The following SYT1 variants were observed in gnomAD, a reference collection of about 807,000 sequenced individuals.
The protein encoded by SYT1 is synaptotagmin-1.
Under a neutral mutation model 44.8 loss-of-function variants are expected in SYT1, and 8 were observed. The ratio of observed to expected loss-of-function variants is 0.18; its 90% CI spans 0.10 to 0.32. The LOEUF is 0.32. Among genes scored for constraint, SYT1 ranks in the 10% least tolerant of loss-of-function variants. SYT1 has a pLI of 1.00. For missense variants in SYT1, 286 were observed against 509.3 expected (o/e 0.56, Z 4.22); for synonymous variants, 154 against 188.8 (o/e 0.82, Z 1.51).
intron 1 of SYT1, among the ~76,000 whole-genome samples, chr12:78,881,545 T>A (rs1039502659): frequency 1.3e-5 from 2 of 151,724 alleles, no homozygotes; most frequent in Non-Finnish European, 2.9e-5. Context: ...AATGAGTATA[T>A]TTAGCCTTGA....
intron 3 of SYT1, among the ~76,000 whole-genome samples, chr12:79,126,068 A>G (rs1868417890): frequency 6.6e-6 from 1 of 152,222 alleles, no homozygotes; most frequent in African/African-American, 2.4e-5. Context: ...AATTATTTCA[A>G]TGGTAATGCA....
At chr12:79,204,774 G>C (rs1353272961) in intron 3 of SYT1, among the ~76,000 whole-genome samples, 1 of 104,374 alleles carries the variant, frequency 9.6e-6, no homozygotes, top group Non-Finnish European at 1.9e-5. Context: ...TGCTCCTGTT[G>C]TAACTTTTTT....
chr12:79,412,153 C>T (rs1239409901), intron 9 of SYT1, among the ~76,000 whole-genome samples: 4 of 152,170 alleles, frequency 2.6e-5, no homozygotes, highest in Admixed American at 2.0e-4. Context: ...GGGTTTTATA[C>T]ACTGGCATGC....
chr12:79,010,364 C>T (rs951305755), intron 2 of SYT1, among the ~76,000 whole-genome samples: 3 of 152,100 alleles, frequency 2.0e-5, no homozygotes, highest in Non-Finnish European at 4.4e-5. Flanking sequence ...TGGTTGCCTA[C>T]TATGGAATCC....
chr12:78,933,603 C>G (rs77414363), intron 1 of SYT1, among the ~76,000 whole-genome samples: 7,813 of 151,948 alleles, frequency 0.051, 232 homozygotes, highest in Admixed American at 0.086. Context: ...TTTGCTAGTA[C>G]AGTTTATTAA....
Position 78,870,596 on chromosome 12 carries a change from TCTC to T in SYT1, c.-217+5490_-217+5492del, listed in dbSNP as rs528474708. ...AATTGCTTACATGAGAAGTATATAG[TCTC>T]CTGTCCTCTTCCATCATGCTCCCTG... On this transcript the variant is annotated intron_variant, in intron 1 of 10. Transcript: ENST00000261205. 6.6e-5 allele frequency among the ~76,000 whole-genome samples: 10 copies of T among 152,158 alleles called. No individual in the cohort carries two copies. The South Asian group carries it at 1.9e-3, about 28-fold the overall frequency.
At chr12:79,051,885 A>G (rs1260960704) in intron 3 of SYT1, among the ~76,000 whole-genome samples, 1 of 151,928 alleles carries the variant, frequency 6.6e-6, no homozygotes, top group East Asian at 1.9e-4. Context: ...CCATTGGTCT[A>G]TATCTTTGTT....
intron 4 of SYT1, among the ~76,000 whole-genome samples, chr12:79,241,420 G>A (rs142788567): frequency 3.3e-5 from 5 of 151,912 alleles, no homozygotes; most frequent in Non-Finnish European, 5.9e-5. Context: ...ACAGGTGGGC[G>A]CCACCATGCC....
chr12:79,145,764 TG>T (rs1565825911), intron 3 of SYT1, among the ~76,000 whole-genome samples: 76 of 149,168 alleles, frequency 5.1e-4, no homozygotes, highest in African/African-American at 1.9e-3. Flanking sequence ...TTTGTTTGTT[TG>T]TTTGTTTTTT....
chr12:79,160,903 C>T (rs1870908420), intron 3 of SYT1, among the ~76,000 whole-genome samples: 1 of 152,014 alleles, frequency 6.6e-6, no homozygotes, highest in Non-Finnish European at 1.5e-5. Context: ...ACCTTTTGAT[C>T]AATGACAGAC....
intron 8 of SYT1, among the ~76,000 whole-genome samples, chr12:79,327,150 C>G (rs911468926): frequency 4.0e-5 from 6 of 151,812 alleles, no homozygotes; most frequent in Non-Finnish European, 7.4e-5. Flanking sequence ...TAATGAGCCT[C>G]TACATTTCTT....
chr12:79,355,461 A>C (rs1394889365), intron 9 of SYT1, among the ~76,000 whole-genome samples: 3 of 152,208 alleles, frequency 2.0e-5, no homozygotes, highest in African/African-American at 7.2e-5. Context: ...CCTACATTTG[A>C]ATTACCTGGA....
chr12:79,352,523 C>A (rs1882952222), intron 8 of SYT1, among the ~76,000 whole-genome samples: 1 of 152,094 alleles, frequency 6.6e-6, no homozygotes, highest in African/African-American at 2.4e-5. Flanking sequence ...TCTAGAGCCT[C>A]CAGTATCTGA....
At chr12:78,987,514 T>C (rs1227060311) in intron 2 of SYT1, among the ~76,000 whole-genome samples, 4 of 151,988 alleles carry the variant, frequency 2.6e-5, no homozygotes. Context: ...TGTTATATTT[T>C]ATAGTTACAT....
chr12:79,303,053 T>C (rs889733121), intron 8 of SYT1, among the ~76,000 whole-genome samples: 7 of 152,186 alleles, frequency 4.6e-5, no homozygotes, highest in Non-Finnish European at 1.0e-4. Context: ...GATTTTCTTC[T>C]CTTTAATCTT....
chr12:79,398,279 G>A (rs1434410192), intron 9 of SYT1, among the ~76,000 whole-genome samples: 1 of 152,076 alleles, frequency 6.6e-6, no homozygotes, highest in Non-Finnish European at 1.5e-5. Context: ...AATACTAAGG[G>A]CCATGCTCTG....
chr12:79,350,742 C>A (rs1020852144), intron 8 of SYT1, among the ~76,000 whole-genome samples: 1 of 152,132 alleles, frequency 6.6e-6, no homozygotes, highest in Admixed American at 6.5e-5. Context: ...AAAGCTAATT[C>A]TTAGGGCATT....
At chr12:79,033,033 G>A (rs1462894557) in intron 2 of SYT1, among the ~76,000 whole-genome samples, 1 of 151,230 alleles carries the variant, frequency 6.6e-6, no homozygotes, top group Non-Finnish European at 1.5e-5. Context: ...TACCTCCCAG[G>A]AAATTTGCCT....
intron 8 of SYT1, among the ~76,000 whole-genome samples, chr12:79,332,679 C>T (rs1431696004): frequency 6.6e-6 from 1 of 152,136 alleles, no homozygotes; most frequent in African/African-American, 2.4e-5. Flanking sequence ...GAGGTATTCC[C>T]TTGTCATCTT....
Sources: gnomAD v4.1 joint callset for allele counts (sites outside exome capture counted in the v4.1 genomes callset) on GRCh38, gnomAD v4.1.1 for gene constraint, MANE v1.5 for transcripts, NCBI Gene and HGNC (gene_info 2026-07-23, HGNC 2026-07-21) for gene names.